The following GPR149 variants were observed in gnomAD, a reference collection of about 807,000 sequenced individuals.
GPR149 encodes the protein probable G protein-coupled receptor 149.
GPR149 carries 50 observed loss-of-function variants against 50.2 expected under a neutral mutation model. The observed-to-expected ratio is 1.00, with a 90% confidence interval of 0.79 to 1.26. GPR149 has a LOEUF of 1.26. Ranked by LOEUF, GPR149 falls within the 50% of genes most tolerant of loss-of-function variation. The probability of loss-of-function intolerance (pLI) is 0.00; values close to 1 mark genes in which losing one functional copy is unlikely to be tolerated. For missense variants in GPR149, 983 were observed against 895.4 expected, an observed-to-expected ratio of 1.10 and a Z score of -1.25; for synonymous variants, 405 against 358.2, an observed-to-expected ratio of 1.13 and a Z score of -1.48.
At chr3:154,353,180 G>A in intron 3 of GPR149, 9 of 1,532,766 alleles carry the variant, frequency 5.9e-6, no homozygotes, top group Non-Finnish European at 7.2e-6. Context: ...CAGACCCACT[G>A]TAGACTTGAA....
At chr3:154,365,591 A>C (rs1450492691) in intron 3 of GPR149, among the ~76,000 whole-genome samples, 1 of 152,020 alleles carries the variant, frequency 6.6e-6, no homozygotes. Context: ...CTCTTCTCAC[A>C]CTTTACTATA....
chr3:154,413,016 C>A (rs1711884722), intron 3 of GPR149, among the ~76,000 whole-genome samples: 1 of 151,790 alleles, frequency 6.6e-6, no homozygotes. Context: ...ATAGTCAACT[C>A]ATCTTTGACA....
chr3:154,382,056 G>A (rs572730793), intron 3 of GPR149, among the ~76,000 whole-genome samples: 2 of 152,114 alleles, frequency 1.3e-5, no homozygotes, highest in South Asian at 4.1e-4. Flanking sequence ...TACATAGTGA[G>A]TCAATCTTAA....
intron 3 of GPR149, among the ~76,000 whole-genome samples, chr3:154,358,240 T>C (rs552644220): frequency 4.5e-4 from 68 of 152,130 alleles, no homozygotes; most frequent in African/African-American, 1.5e-3. Context: ...TGTATACATA[T>C]GTAACTAACC....
intron 3 of GPR149, among the ~76,000 whole-genome samples, chr3:154,376,106 G>C (rs1187007588): frequency 6.6e-6 from 1 of 152,186 alleles, no homozygotes; most frequent in Non-Finnish European, 1.5e-5. Flanking sequence ...ATTCTATAAT[G>C]AATCTATTAC....
intron 3 of GPR149, among the ~76,000 whole-genome samples, chr3:154,380,568 A>G (rs561865410): frequency 7.9e-5 from 12 of 152,252 alleles, no homozygotes; most frequent in Admixed American, 2.0e-4. Flanking sequence ...CAGCCTCCCA[A>G]AGTGTTGGGA....
chr3:154,427,429 C>T (rs1559992923), intron 2 of GPR149, 87 bp downstream of exon 2: 2 of 1,174,902 alleles, frequency 1.7e-6, no homozygotes, highest in Non-Finnish European at 2.4e-6. Flanking sequence ...TCTCCATCCC[C>T]TACTGAGGCA....
chr3:154,392,311 T>A (rs970395665), intron 3 of GPR149, among the ~76,000 whole-genome samples: 11 of 151,692 alleles, frequency 7.3e-5, no homozygotes, highest in Non-Finnish European at 4.4e-5. Context: ...GAACAACTAA[T>A]GGGTCAAGGA....
At chr3:154,344,226 TAAAG>T (rs1486341291) in intron 3 of GPR149, among the ~76,000 whole-genome samples, 1 of 152,118 alleles carries the variant, frequency 6.6e-6, no homozygotes, top group Non-Finnish European at 1.5e-5. Context: ...GAAGTTCAAA[TAAAG>T]AGTCTCATCT....
chr3:154,403,698 A>G (rs1711604263), intron 3 of GPR149, among the ~76,000 whole-genome samples: 1 of 152,108 alleles, frequency 6.6e-6, no homozygotes, highest in Non-Finnish European at 1.5e-5. Context: ...GAAAAATACA[A>G]TTCCGCATGT....
rs763580172 is a variant in GPR149 at position 154,429,504 on chromosome 3, A to G, written c.112T>C (p.Cys38Arg). 3 of 1,614,056 alleles carry G rather than the reference A, an allele frequency of 1.9e-6. No homozygotes were observed. Among genetic ancestry groups the G allele is most frequent in the Admixed American group, 3.3e-5 (2 of 60,002 alleles). ...PPGTLNIYLF[C>R]LTCLMTFAAL... ...GCAAAAGTCATGAGACATGTCAAGC[A>G]AAAAAGATAGATATTCAGGGTTCCT... The change falls in exon 1 of 4, where the codon TGC becomes CGC. Residue 38 changes from cysteine (C) to arginine (R), a missense_variant. Coordinates refer to ENST00000389740, the MANE Select transcript of GPR149 (RefSeq NM_001038705.3).
In GPR149 at chr3:154,413,323, A is replaced by G. The variant is rs75040222; in HGVS notation, c.1623+7716T>C. Among the ~76,000 whole-genome samples the G allele has an allele frequency of 5.1e-3, 775 of 152,074 alleles. 5 individuals carry two copies. The highest frequency in any genetic ancestry group is 0.02 in the Middle Eastern group (6 of 294). ...AGATGGGACTTAAGTAAGCTAAAAA[A>G]CTTCTGCACAGTGAAGGAAATAATC... On this transcript the variant is annotated intron_variant, in intron 3 of 3. Coordinates refer to ENST00000389740, the MANE Select transcript of GPR149 (RefSeq NM_001038705.3).
intron 3 of GPR149, among the ~76,000 whole-genome samples, chr3:154,384,702 A>G (rs1402245884): frequency 6.6e-6 from 1 of 152,238 alleles, no homozygotes; most frequent in Admixed American, 6.5e-5. Flanking sequence ...TCCCAGAGCC[A>G]GAGCTAGAGT....
At chr3:154,360,683 G>A (rs959311224) in intron 3 of GPR149, among the ~76,000 whole-genome samples, 1 of 152,088 alleles carries the variant, frequency 6.6e-6, no homozygotes, top group African/African-American at 2.4e-5. Flanking sequence ...CTACTCCAGG[G>A]ATCGGAGATA....
intron 3 of GPR149, among the ~76,000 whole-genome samples, chr3:154,417,934 A>G (rs1417327865): frequency 1.3e-5 from 2 of 152,146 alleles, no homozygotes; most frequent in African/African-American, 4.8e-5. Flanking sequence ...TGTGATTTAG[A>G]ATGTTTTGTA....
chr3:154,397,407 G>A (rs1715319538), intron 3 of GPR149, among the ~76,000 whole-genome samples: 1 of 152,152 alleles, frequency 6.6e-6, no homozygotes, highest in Non-Finnish European at 1.5e-5. Context: ...TGTCAGGAGT[G>A]TGCTAGAGTT....
At chr3:154,415,713 G>A (rs1293200963) in intron 3 of GPR149, among the ~76,000 whole-genome samples, 1 of 151,846 alleles carries the variant, frequency 6.6e-6, no homozygotes, top group African/African-American at 2.4e-5. Context: ...ACTCTGGGTA[G>A]GTGGAAGTGA....
chr3:154,369,777 T>A (rs943224937), intron 3 of GPR149, among the ~76,000 whole-genome samples: 2 of 152,260 alleles, frequency 1.3e-5, no homozygotes, highest in African/African-American at 4.8e-5. Flanking sequence ...GGCAGTCCTT[T>A]GATCTAACAT....
intron 3 of GPR149, among the ~76,000 whole-genome samples, chr3:154,344,516 A>G (rs945792850): frequency 9.2e-5 from 14 of 152,190 alleles, no homozygotes; most frequent in Non-Finnish European, 1.9e-4. Flanking sequence ...GTAAACTGTG[A>G]ATATGACCTT....
Sources: gnomAD v4.1 joint callset for allele counts (sites outside exome capture counted in the v4.1 genomes callset) on GRCh38, gnomAD v4.1.1 for gene constraint, MANE v1.5 for transcripts, NCBI Gene and HGNC (gene_info 2026-07-23, HGNC 2026-07-21) for gene names.